CHEK2: variants seen among roughly 807,000 people sequenced by gnomAD.
CHEK2 encodes checkpoint kinase 2.
A neutral mutation model predicts 69.1 loss-of-function variants in CHEK2; 71 were observed. The observed-to-expected ratio is 1.03, with a 90% CI of 0.85 to 1.25. CHEK2 has a LOEUF of 1.25. CHEK2 is among the 50% of genes most tolerant of loss of function. The pLI is 0.00. For synonymous variants in CHEK2, 189 were observed against 226.9 expected (o/e 0.83, Z 1.50); for missense variants, 664 against 649.6 (o/e 1.02, Z -0.24).
rs372839973 is a variant in CHEK2, at chr22:28,716,940, G to A, written c.683+2455C>T. Among the ~76,000 whole-genome samples, 23 of 152,236 alleles carry A rather than the reference G, an allele frequency of 1.5e-4. No individual in the cohort carries two copies. In the East Asian group the frequency reaches 2.1e-3, roughly 14 times the overall value. On this transcript the variant is annotated intron_variant, in intron 5 of 14. Coordinates refer to ENST00000404276, the MANE Select transcript of CHEK2 (RefSeq NM_007194.4). ...TGGAGATTTCCAGACACTACGTGGC[G>A]TGTGACAACATAACAGACTGAATGA... is the stretch of plus-strand genomic sequence containing the variant.
intron 4 of CHEK2, among the ~76,000 whole-genome samples, chr22:28,720,300 A>T: frequency 6.6e-6 from 1 of 151,766 alleles, no homozygotes; most frequent in East Asian, 1.9e-4. Context: ...CATGTTGGCC[A>T]GGCTGATCTC....
In CHEK2 at chr22:28,734,409, T is replaced by G. The variant is rs1010061908; in HGVS notation, c.313A>C (p.Asn105His). The G allele has an allele frequency of 1.9e-6, 3 of 1,613,918 alleles. No individual in the cohort carries two copies. The highest frequency in any genetic ancestry group is 2.5e-6 in the Non-Finnish European group (3 of 1,179,834). The change falls in exon 2 of 15, where the codon AAT (asparagine) becomes CAT (histidine). Residue 105 changes from asparagine to histidine, a missense_variant. Physicochemically the swap from Asn to His is moderately conservative, Grantham distance 68 (BLOSUM62 1). Transcript: ENST00000404276. ...RLWALQDGFA[N>H]LECVNDNYWF... is the part of the protein sequence containing the mutation. ...ATACAACAAAGGGTCTTACCAAGATTGGCAAATCCATCCTGAAGGGCCCAT... is the reference window on the plus strand; with the variant it reads ...ATACAACAAAGGGTCTTACCAAGATGGGCAAATCCATCCTGAAGGGCCCAT...
At chr22:28,714,306 C>T (rs987433192) in intron 5 of CHEK2, among the ~76,000 whole-genome samples, 4 of 152,202 alleles carry the variant, frequency 2.6e-5, no homozygotes, top group Admixed American at 1.3e-4. Context: ...TTTGTATTGC[C>T]CTAATGACTA....
At chr22:28,701,924 A>G (rs2052867365) in intron 8 of CHEK2, among the ~76,000 whole-genome samples, 1 of 151,516 alleles carries the variant, frequency 6.6e-6, no homozygotes, top group Non-Finnish European at 1.5e-5. Flanking sequence ...TAAGATTTGC[A>G]TATAATCTAT....
At chr22:28,703,735 C>A (rs1193939409) in intron 7 of CHEK2, among the ~76,000 whole-genome samples, 169 bp from the exon 8 acceptor site, 1 of 152,154 alleles carries the variant, frequency 6.6e-6, no homozygotes, top group Non-Finnish European at 1.5e-5. Flanking sequence ...CAGAATCTAG[C>A]CAACTCCTCA....
intron 5 of CHEK2, 121 bp from the exon 6 acceptor site, chr22:28,712,138 C>A: frequency 1.3e-6 from 1 of 772,814 alleles, no homozygotes; most frequent in East Asian, 2.6e-5. Flanking sequence ...TTTCCATTGT[C>A]CCTGTTTGCA....
At chr22:28,719,966 T>C (rs1201672821) in intron 4 of CHEK2, among the ~76,000 whole-genome samples, 1 of 152,190 alleles carries the variant, frequency 6.6e-6, no homozygotes, top group Non-Finnish European at 1.5e-5. Flanking sequence ...TATACCTTTA[T>C]ATATCCGGTA....
rs769439021 is a variant in CHEK2 at position 28,695,822 on chromosome 22, T to C, written c.1147A>G (p.Thr383Ala). 5 of 1,613,830 alleles carry C rather than the reference T, an allele frequency of 3.1e-6. No homozygotes were observed. Among genetic ancestry groups the C allele is most frequent in the Non-Finnish European group, 4.2e-6 (5 of 1,179,728 alleles). The change falls in exon 11 of 15, where the codon ACC (threonine) becomes GCC (alanine). Residue 383 changes from threonine (T) to alanine (A), a missense_variant. Physicochemically the swap from Thr to Ala is moderately conservative, Grantham distance 58 (BLOSUM62 0). Coordinates refer to ENST00000404276, the MANE Select transcript of CHEK2 (RefSeq NM_007194.4). ...AAGTAGGTGGGGGTTCCACATAAGG[T>C]TCTCATGAGAGAGGTCTCTCCCAAA... The part of the protein sequence containing the change: ...KILGETSLMR[T>A]LCGTPTYLAP...
At chr22:28,734,210 T>C (rs1033352322) in intron 2 of CHEK2, among the ~76,000 whole-genome samples, 193 bp downstream of exon 2, 1 of 152,174 alleles carries the variant, frequency 6.6e-6, no homozygotes, top group African/African-American at 2.4e-5. Flanking sequence ...TCCTGTGACA[T>C]GTACTTTAGC....
intron 7 of CHEK2, among the ~76,000 whole-genome samples, chr22:28,707,273 T>C (rs966044836): frequency 2.0e-5 from 3 of 152,210 alleles, no homozygotes; most frequent in Non-Finnish European, 4.4e-5. Flanking sequence ...ACTCTCCAAG[T>C]GTGTTGTCTG....
In CHEK2 at chr22:28,703,527, C is replaced by A. The variant is rs876659553; in HGVS notation, c.886G>T (p.Asp296Tyr). The change falls in exon 8 of 15, where the codon GAT (aspartate) becomes TAT (tyrosine). Residue 296 changes from aspartate (D) to tyrosine (Y), a missense_variant. Physicochemically the swap from Asp to Tyr is radical, Grantham distance 160. Transcript: ENST00000404276. ...IKIKNFFDAE[D>Y]YYIVLELMEG... is the part of the protein sequence containing the mutation. ...TACAATTCCAAAACAATATAATAAT[C>A]TTCTGCATCAAAAAAGTTTTTAATC... is the stretch of plus-strand genomic sequence containing the variant. 7.1e-6 allele frequency: 11 copies of A among 1,541,370 alleles called. No individual in the cohort carries two copies. In the East Asian group the frequency reaches 2.3e-4, roughly 32 times the overall value.
At chr22:28,737,207 A>G in intron 1 of CHEK2, 1 of 455,052 alleles carries the variant, frequency 2.2e-6, no homozygotes, top group Non-Finnish European at 4.5e-6. Flanking sequence ...TAAATTATGC[A>G]CAACTTTCTT....
At chr22:28,739,917 T>C (rs2146190824) in intron 1 of CHEK2, among the ~76,000 whole-genome samples, 1 of 152,246 alleles carries the variant, frequency 6.6e-6, no homozygotes, top group Admixed American at 6.5e-5. Context: ...ATAAAGACTG[T>C]ACTGGCCATG....
Position 28,698,374 on chromosome 22 carries a change from G to A in CHEK2, c.1009-1387C>T, listed in dbSNP as rs17882987. ...CGTGCCATTGGACTCCAGCCTGGGCGACACAGTGAGACATCATCTCAAAAA... is the reference window on the plus strand; with the variant it reads ...CGTGCCATTGGACTCCAGCCTGGGCAACACAGTGAGACATCATCTCAAAAA... On this transcript the variant is annotated intron_variant, in intron 9 of 14. Transcript: ENST00000404276. Among the ~76,000 whole-genome samples, 1,336 of 151,996 alleles carry A rather than the reference G, an allele frequency of 8.8e-3. 18 individuals are homozygous for A. The highest frequency in any genetic ancestry group is 0.031 in the African/African-American group (1,269 of 41,486).
intron 7 of CHEK2, among the ~76,000 whole-genome samples, chr22:28,704,125 C>T (rs12157555): frequency 2.6e-5 from 1 of 38,962 alleles, no homozygotes; most frequent in South Asian, 1.2e-3. Context: ...CAGACAGACA[C>T]ACACACACAC....
At position 28,702,233 on chromosome 22, in the gene CHEK2, A is replaced by ATT. The variant is rs71709249; in HGVS notation, c.908+1270_908+1271dup. 3.2e-3 allele frequency among the ~76,000 whole-genome samples: 407 copies of ATT among 128,316 alleles called. 1 individual carries two copies. Among genetic ancestry groups the ATT allele is most frequent in the Non-Finnish European group, 4.4e-3 (268 of 61,162 alleles). The allele number at this position is 128,316 out of a possible 152,430, so 84.2% of individuals were successfully genotyped here. The stretch of plus-strand genomic sequence containing the variant: ...TGTATCCTGTATACTTTCTTTCTCT[A>ATT]TTTTTTTTTTTTTAATTTTTTTTGA... On this transcript the variant is annotated intron_variant, in intron 8 of 14. Transcript: ENST00000404276.
intron 9 of CHEK2, 30 bp downstream of exon 9, chr22:28,699,808 G>C (rs2052753603): frequency 1.4e-6 from 2 of 1,434,166 alleles, no homozygotes; most frequent in Non-Finnish European, 2.0e-6. Flanking sequence ...AAGAAAGGCA[G>C]CTGTCAAAAG....
Position 28,734,491 on chromosome 22 carries a change from G to T in CHEK2, c.231C>A (p.Asp77Glu), listed in dbSNP as rs2146146732. Residue 77 changes from aspartate to glutamate, a missense_variant, in exon 2 of 15, where the codon GAC becomes GAA. By Grantham distance (45) the Asp-to-Glu change is conservative. Coordinates refer to ENST00000404276, the MANE Select transcript of CHEK2 (RefSeq NM_007194.4). ...STQELYSIPE[D>E]QEPEDQEPEE... ...CAGGTTCTTGGTCCTCAGGTTCTTGGTCCTCAGGAATAGAATAGAGTTCCT... is the reference window on the plus strand; with the variant it reads ...CAGGTTCTTGGTCCTCAGGTTCTTGTTCCTCAGGAATAGAATAGAGTTCCT... The T allele has an allele frequency of 6.2e-7, 1 of 1,613,892 alleles. No individual in the cohort carries two copies. The highest frequency in any genetic ancestry group is 8.5e-7 in the Non-Finnish European group (1 of 1,179,910).
rs2052529951 is a variant in CHEK2, at chr22:28,695,302, G to C, written c.1260-60C>G. On this transcript the variant is annotated intron_variant, in intron 11 of 14. Transcript: ENST00000404276. Reference sequence around the variant, plus strand: ...CAAGTGGCATTCTCAGTGGCATTCAGATATAAAGATTTCTTTTTCAGCATA... The same window carrying C: ...CAAGTGGCATTCTCAGTGGCATTCACATATAAAGATTTCTTTTTCAGCATA... 7 of 905,254 alleles carry C rather than the reference G, an allele frequency of 7.7e-6. No homozygotes were observed. The East Asian group carries it at 1.7e-4, about 22-fold the overall frequency. The allele number at this position is 905,254 out of a possible 1,614,324, so 56.1% of individuals were successfully genotyped here.
Sources: gnomAD v4.1 joint callset for allele counts (sites outside exome capture counted in the v4.1 genomes callset) on GRCh38, gnomAD v4.1.1 for gene constraint, MANE v1.5 for transcripts, NCBI Gene and HGNC (gene_info 2026-07-23, HGNC 2026-07-21) for gene names.